The following TAS2R1 variants were observed in gnomAD, a reference collection of about 807,000 sequenced individuals.
TAS2R1 encodes the protein taste receptor type 2 member 1.
For missense variants in TAS2R1, 370 were observed against 353.4 expected (o/e 1.05, Z -0.38); for synonymous variants, 141 against 134.2 (o/e 1.05, Z -0.35).
chr5:9,672,636 T>A (rs1241693379), intron 1 of TAS2R1, among the ~76,000 whole-genome samples: 3 of 152,158 alleles, frequency 2.0e-5, no homozygotes, highest in Non-Finnish European at 4.4e-5. Context: ...AAATAACAGA[T>A]GCTGCCAATG....
At chr5:9,789,380 C>A in the TAS2R1 span, among the ~76,000 whole-genome samples, 108 of 152,242 alleles carry the variant, frequency 7.1e-4, 1 homozygote, top group East Asian at 0.018. Flanking sequence ...CCTTGACGTG[C>A]GCAGATCCTT....
the TAS2R1 span, among the ~76,000 whole-genome samples, chr5:9,732,741 T>C: frequency 6.6e-6 from 1 of 152,176 alleles, no homozygotes; most frequent in Non-Finnish European, 1.5e-5. Context: ...AAAGCTTCCA[T>C]ATCGGTCAGG....
chr5:9,761,697 G>T, the TAS2R1 span, among the ~76,000 whole-genome samples: 1 of 152,192 alleles, frequency 6.6e-6, no homozygotes, highest in South Asian at 2.1e-4. Flanking sequence ...CTCTGCGTCT[G>T]CTCTCTGCCG....
chr5:9,808,935 T>C, the TAS2R1 span, among the ~76,000 whole-genome samples: 1 of 152,322 alleles, frequency 6.6e-6, no homozygotes, highest in African/African-American at 2.4e-5. Flanking sequence ...GGCCAGTCCA[T>C]TGCACTGTGA....
the TAS2R1 span, among the ~76,000 whole-genome samples, chr5:9,875,205 G>GA: frequency 6.6e-6 from 1 of 152,194 alleles, no homozygotes; most frequent in African/African-American, 2.4e-5. Flanking sequence ...ACCAGGCAGG[G>GA]AAAATCAATG....
At chr5:9,853,764 G>A in the TAS2R1 span, among the ~76,000 whole-genome samples, 1 of 152,100 alleles carries the variant, frequency 6.6e-6, no homozygotes, top group Non-Finnish European at 1.5e-5. Flanking sequence ...CTGATGGGGT[G>A]GGAATGGGCA....
chr5:9,666,658 A>C (rs1466943824), intron 1 of TAS2R1, among the ~76,000 whole-genome samples: 1 of 152,144 alleles, frequency 6.6e-6, no homozygotes, highest in Non-Finnish European at 1.5e-5. Flanking sequence ...GTGGGGGCAA[A>C]GGAAACAAAA....
At chr5:9,798,216 T>C in the TAS2R1 span, among the ~76,000 whole-genome samples, 8 of 152,180 alleles carry the variant, frequency 5.3e-5, no homozygotes, top group African/African-American at 1.9e-4. Context: ...TTGCCTTGAG[T>C]TGGGAGAGGG....
the TAS2R1 span, among the ~76,000 whole-genome samples, chr5:9,811,681 A>G: frequency 3.3e-5 from 5 of 152,108 alleles, no homozygotes; most frequent in Non-Finnish European, 7.4e-5. Flanking sequence ...TGACTTTAAC[A>G]ACACCCACAT....
intron 2 of TAS2R1, among the ~76,000 whole-genome samples, chr5:9,651,474 G>A (rs1034767732): frequency 6.6e-5 from 10 of 152,054 alleles, no homozygotes; most frequent in African/African-American, 9.7e-5. Flanking sequence ...CACCTAATAC[G>A]CTAAATACTG....
the TAS2R1 span, among the ~76,000 whole-genome samples, chr5:9,718,308 T>C: frequency 5.3e-5 from 8 of 150,942 alleles, no homozygotes; most frequent in East Asian, 1.6e-3. Context: ...GGAAGAAAAA[T>C]TTGCAACATA....
intron 1 of TAS2R1, among the ~76,000 whole-genome samples, chr5:9,702,853 G>T (rs1023372238): frequency 6.6e-6 from 1 of 152,074 alleles, no homozygotes; most frequent in Non-Finnish European, 1.5e-5. Context: ...GTGTCAGATG[G>T]AGGGAGAAAG....
chr5:9,653,503 T>C (rs1203030636), intron 2 of TAS2R1, among the ~76,000 whole-genome samples: 1 of 152,204 alleles, frequency 6.6e-6, no homozygotes, highest in Non-Finnish European at 1.5e-5. Flanking sequence ...TTTGTGACCC[T>C]ATTGTCAGGC....
the TAS2R1 span, among the ~76,000 whole-genome samples, chr5:9,747,292 A>T: frequency 6.6e-6 from 1 of 152,148 alleles, no homozygotes; most frequent in Admixed American, 6.5e-5. Context: ...TGAATGTAAG[A>T]TTGTGTCTTT....
At chr5:9,878,436 C>T in the TAS2R1 span, among the ~76,000 whole-genome samples, 8 of 152,284 alleles carry the variant, frequency 5.3e-5, no homozygotes, top group South Asian at 4.1e-4. Context: ...TCAGCATTCA[C>T]GAGCATTCAA....
chr5:9,892,377 G>A, the TAS2R1 span, among the ~76,000 whole-genome samples: 1 of 152,144 alleles, frequency 6.6e-6, no homozygotes, highest in Non-Finnish European at 1.5e-5. Flanking sequence ...GCCCCCAAAA[G>A]TTCCTGGGGG....
At chr5:9,713,567 T>A (rs1019964281), upstream of TAS2R1, among the ~76,000 whole-genome samples, 8 of 152,186 alleles carry the variant, frequency 5.3e-5, no homozygotes, top group African/African-American at 1.7e-4. Flanking sequence ...AGAAGTGGGA[T>A]AAGAGACATA....
the TAS2R1 span, among the ~76,000 whole-genome samples, chr5:9,719,763 A>T: frequency 6.7e-6 from 1 of 148,368 alleles, no homozygotes. Context: ...AAAAATACAA[A>T]AAAAATTAGC....
chr5:9,714,517 G>C (rs1260036926), upstream of TAS2R1, among the ~76,000 whole-genome samples: 2 of 152,154 alleles, frequency 1.3e-5, no homozygotes, highest in African/African-American at 4.8e-5. Flanking sequence ...AAGATGTTTT[G>C]CCTCTCTGAC....
Sources: allele counts gnomAD v4.1 joint callset (sites outside exome capture counted in the v4.1 genomes callset), GRCh38; gene constraint gnomAD v4.1.1; transcripts MANE v1.5; gene names NCBI Gene and HGNC (gene_info 2026-07-23, HGNC 2026-07-21).